The following DGKH variants were observed in gnomAD, a reference collection of about 807,000 sequenced individuals.
DGKH encodes the protein DAG kinase eta.
A neutral mutation model predicts 159.3 loss-of-function variants in DGKH; 90 were observed. The ratio of observed to expected loss-of-function variants is 0.57; its 90% CI spans 0.48 to 0.67. The LOEUF (loss-of-function observed/expected upper bound fraction) is 0.67, where lower values mean the gene tolerates loss of function less well. DGKH is among the 30% of genes least tolerant of loss of function. The pLI, the probability that DGKH is intolerant of heterozygous loss-of-function variation, is 0.00. For synonymous variants in DGKH, 536 were observed against 553.8 expected (o/e 0.97, Z 0.45); for missense variants, 1,181 against 1,506.1 (o/e 0.78, Z 3.57).
At chr13:42,191,557 G>C (rs556344285) in intron 16 of DGKH, among the ~76,000 whole-genome samples, 31 of 152,054 alleles carry the variant, frequency 2.0e-4, no homozygotes, top group Non-Finnish European at 4.3e-4. Flanking sequence ...CAAATTTTTG[G>C]AGAGCTGACC....
intron 1 of DGKH, among the ~76,000 whole-genome samples, chr13:42,103,517 C>T (rs563767930): frequency 7.9e-5 from 12 of 152,290 alleles, no homozygotes; most frequent in African/African-American, 2.9e-4. Context: ...CCTGCTCTCC[C>T]GCATGAGTGC....
intron 1 of DGKH, among the ~76,000 whole-genome samples, chr13:42,090,016 G>A (rs1320100206): frequency 6.6e-6 from 1 of 152,068 alleles, no homozygotes; most frequent in Non-Finnish European, 1.5e-5. Flanking sequence ...AATAACCCAT[G>A]GATCAAAGAA....
At chr13:42,058,009 A>C (rs1005987084) in intron 1 of DGKH, among the ~76,000 whole-genome samples, 5 of 152,154 alleles carry the variant, frequency 3.3e-5, no homozygotes, top group Non-Finnish European at 5.9e-5. Flanking sequence ...AAAGTAAGGT[A>C]CTATAGAGAA....
intron 5 of DGKH, among the ~76,000 whole-genome samples, chr13:42,158,758 T>C (rs908764671): frequency 1.3e-5 from 2 of 152,258 alleles, no homozygotes; most frequent in African/African-American, 2.4e-5. Context: ...ACTTGCACTT[T>C]ACAGCCCCCT....
intron 7 of DGKH, among the ~76,000 whole-genome samples, chr13:42,163,200 T>G (rs1420217785): frequency 2.6e-5 from 4 of 151,744 alleles, no homozygotes; most frequent in Admixed American, 6.6e-5. Context: ...ACTCATCATT[T>G]TTTATGGCTG....
chr13:42,223,129 G>A (rs1485307851), intron 29 of DGKH, among the ~76,000 whole-genome samples: 1 of 152,132 alleles, frequency 6.6e-6, no homozygotes, highest in Non-Finnish European at 1.5e-5. Flanking sequence ...ATGAGAAAAG[G>A]AACATTTCAC....
intron 1 of DGKH, among the ~76,000 whole-genome samples, chr13:42,098,834 T>C (rs912840354): frequency 6.6e-6 from 1 of 152,242 alleles, no homozygotes; most frequent in African/African-American, 2.4e-5. Context: ...AGTCAGCACT[T>C]CCGAATTACT....
intron 11 of DGKH, 95 bp downstream of exon 11, chr13:42,168,913 A>G (rs1018925528): frequency 8.9e-6 from 12 of 1,345,214 alleles, no homozygotes; most frequent in African/African-American, 1.5e-5. Flanking sequence ...AATAAATTTT[A>G]CTGACTAGAA....
Position 42,254,884 on chromosome 13 carries a change from A to AT in DGKH, n.4128-1397dup, listed in dbSNP as rs1289068017. 2.6e-5 allele frequency among the ~76,000 whole-genome samples: 4 copies of AT among 152,208 alleles called. No homozygotes were observed. In the East Asian group the frequency reaches 5.8e-4, roughly 22 times the overall value. On this transcript the variant is annotated intron_variant and non_coding_transcript_variant, in intron 30 of 30. Coordinates refer to the DGKH transcript ENST00000498255. ...TCAAATGATTTTGCCATCTTTATGC[A>AT]TTTCTTTTTTTAAAATAATGAATGT...
intron 5 of DGKH, among the ~76,000 whole-genome samples, chr13:42,158,057 C>A (rs1956086404): frequency 6.6e-6 from 1 of 152,204 alleles, no homozygotes; most frequent in South Asian, 2.1e-4. Flanking sequence ...CTGTGCCTGG[C>A]CTAGACGAAT....
At chr13:42,220,119 C>G (rs747475789) in intron 28 of DGKH, among the ~76,000 whole-genome samples, 3 of 152,170 alleles carry the variant, frequency 2.0e-5, no homozygotes, top group Non-Finnish European at 2.9e-5. Context: ...CATTTCTGTT[C>G]AGATGGTTCT....
At chr13:42,225,778 A>AC (rs1475815647) in intron 29 of DGKH, among the ~76,000 whole-genome samples, 1 of 151,422 alleles carries the variant, frequency 6.6e-6, no homozygotes, top group South Asian at 2.1e-4. Flanking sequence ...GTCTCAAAAA[A>AC]AAAAAAAAGA....
At chr13:42,252,792 G>C (rs1958630034) in intron 30 of DGKH, among the ~76,000 whole-genome samples, 1 of 151,470 alleles carries the variant, frequency 6.6e-6, no homozygotes, top group Admixed American at 6.6e-5. Context: ...CTGTCACCCA[G>C]GCTAGAGTGC....
At chr13:42,056,343 T>C (rs975185067) in intron 1 of DGKH, among the ~76,000 whole-genome samples, 11 of 152,230 alleles carry the variant, frequency 7.2e-5, no homozygotes, top group African/African-American at 1.9e-4. Flanking sequence ...AACTTTGTCA[T>C]GTGTAGGGCT....
At chr13:42,252,383 A>T (rs1958626766) in intron 29 of DGKH, 1 of 152,160 alleles carries the variant, frequency 6.6e-6, no homozygotes, top group African/African-American at 2.4e-5. Context: ...CATTTTTCAA[A>T]ATAGAATTTT....
intron 29 of DGKH, among the ~76,000 whole-genome samples, chr13:42,221,628 A>G (rs1254326188): frequency 6.6e-6 from 1 of 152,092 alleles, no homozygotes; most frequent in African/African-American, 2.4e-5. Flanking sequence ...GAACTTAGTA[A>G]TTTTTCTCTG....
At chr13:42,131,529 G>A (rs1955290439) in intron 3 of DGKH, among the ~76,000 whole-genome samples, 1 of 152,146 alleles carries the variant, frequency 6.6e-6, no homozygotes, top group African/African-American at 2.4e-5. Flanking sequence ...TGAAGGATAA[G>A]GTTATTTGCT....
chr13:42,182,826 A>C (rs571440706), intron 13 of DGKH, among the ~76,000 whole-genome samples: 1 of 151,940 alleles, frequency 6.6e-6, no homozygotes, highest in African/African-American at 2.4e-5. Context: ...AACACTATCA[A>C]TATTACTTAA....
intron 8 of DGKH, among the ~76,000 whole-genome samples, chr13:42,165,975 A>G (rs1268744331): frequency 6.6e-6 from 1 of 152,122 alleles, no homozygotes. Flanking sequence ...GTATAATGCT[A>G]TGCTGTTTTA....
Sources: gnomAD v4.1 joint callset for allele counts (sites outside exome capture counted in the v4.1 genomes callset) on GRCh38, gnomAD v4.1.1 for gene constraint, MANE v1.5 for transcripts, NCBI Gene and HGNC (gene_info 2026-07-23, HGNC 2026-07-21) for gene names.